Variants in SEMA3E observed in about 807,000 individuals in gnomAD.
SEMA3E encodes semaphorin 3E.
Under a neutral mutation model 93.6 loss-of-function variants are expected in SEMA3E, and 49 were observed. The ratio of observed to expected loss-of-function variants is 0.52; its 90% CI spans 0.42 to 0.66. The LOEUF is 0.66. Among genes scored for constraint, SEMA3E ranks in the 30% least tolerant of loss-of-function variants. The pLI is 0.00. For synonymous variants in SEMA3E, 363 were observed against 330.7 expected (o/e 1.10, Z -1.06); for missense variants, 906 against 964.8 (o/e 0.94, Z 0.81).
chr7:83,605,734 A>G (rs1419559803), intron 1 of SEMA3E, among the ~76,000 whole-genome samples: 4 of 152,054 alleles, frequency 2.6e-5, no homozygotes, highest in African/African-American at 7.2e-5. Context: ...GCCTGGCCAT[A>G]AATGTCTTCT....
chr7:83,648,276 A>C, intron 1 of SEMA3E, 152 bp downstream of exon 1: 1 of 635,652 alleles, frequency 1.6e-6, no homozygotes, highest in South Asian at 1.9e-5. Context: ...AGGTACTTAG[A>C]ATTTTAGGTC....
intron 1 of SEMA3E, among the ~76,000 whole-genome samples, chr7:83,508,558 G>A (rs1790750621): frequency 6.6e-6 from 1 of 152,030 alleles, no homozygotes; most frequent in African/African-American, 2.4e-5. Context: ...CACTGCGCCT[G>A]GCTTATAATT....
intron 1 of SEMA3E, among the ~76,000 whole-genome samples, chr7:83,517,607 T>G (rs1431089621): frequency 6.6e-6 from 1 of 152,082 alleles, no homozygotes; most frequent in African/African-American, 2.4e-5. Context: ...TCCTTTACCT[T>G]TATTATGTAG....
chr7:83,554,615 T>G (rs1329254315), intron 1 of SEMA3E, among the ~76,000 whole-genome samples: 1 of 151,958 alleles, frequency 6.6e-6, no homozygotes, highest in Non-Finnish European at 1.5e-5. Context: ...GAAGAAAAAG[T>G]CTCCTTTGAA....
intron 1 of SEMA3E, among the ~76,000 whole-genome samples, chr7:83,567,130 C>G (rs1297306812): frequency 6.6e-6 from 1 of 152,076 alleles, no homozygotes; most frequent in Admixed American, 6.5e-5. Flanking sequence ...TCAGATAAAG[C>G]AGACTTTACG....
chr7:83,466,152 C>T (rs1422519022), intron 4 of SEMA3E, among the ~76,000 whole-genome samples: 1 of 152,086 alleles, frequency 6.6e-6, no homozygotes, highest in Non-Finnish European at 1.5e-5. Flanking sequence ...CACCTATATA[C>T]ATATTCCAGT....
At chr7:83,608,458 A>AT (rs1793173749) in intron 1 of SEMA3E, among the ~76,000 whole-genome samples, 1 of 151,856 alleles carries the variant, frequency 6.6e-6, no homozygotes, top group Non-Finnish European at 1.5e-5. Flanking sequence ...TTTTTTCATG[A>AT]TTTTTTAAAG....
intron 1 of SEMA3E, among the ~76,000 whole-genome samples, chr7:83,642,981 A>G (rs1051918200): frequency 6.6e-6 from 1 of 152,098 alleles, no homozygotes; most frequent in Non-Finnish European, 1.5e-5. Context: ...AGTTTTATAT[A>G]CAAAGATAAA....
At chr7:83,507,749 G>A in intron 1 of SEMA3E, among the ~76,000 whole-genome samples, 1 of 151,266 alleles carries the variant, frequency 6.6e-6, no homozygotes, top group East Asian at 1.9e-4. Flanking sequence ...ACCAGCTTGG[G>A]CAACATAGTG....
chr7:83,547,717 T>C (rs780864115), intron 1 of SEMA3E, among the ~76,000 whole-genome samples: 1 of 152,080 alleles, frequency 6.6e-6, no homozygotes, highest in African/African-American at 2.4e-5. Context: ...GCTAGAGATG[T>C]TGGTTAGCAG....
chr7:83,471,717 G>A (rs1029005691), intron 2 of SEMA3E, among the ~76,000 whole-genome samples: 7 of 152,090 alleles, frequency 4.6e-5, no homozygotes, highest in African/African-American at 1.4e-4. Context: ...TACAGCACCA[G>A]TCTATTATTA....
At chr7:83,414,799 C>T (rs1788509183) in intron 5 of SEMA3E, among the ~76,000 whole-genome samples, 2 of 151,904 alleles carry the variant, frequency 1.3e-5, no homozygotes, top group African/African-American at 4.8e-5. Context: ...TTTCCCCAAA[C>T]TCTAGCTACA....
chr7:83,534,348 C>G (rs1791366125), intron 1 of SEMA3E, among the ~76,000 whole-genome samples: 1 of 151,848 alleles, frequency 6.6e-6, no homozygotes, highest in Non-Finnish European at 1.5e-5. Flanking sequence ...TGGGAAGCAC[C>G]ACTCTAGAGG....
intron 4 of SEMA3E, 145 bp downstream of exon 4, chr7:83,466,337 A>G (rs1230419976): frequency 7.4e-6 from 7 of 952,218 alleles, no homozygotes; most frequent in Non-Finnish European, 1.1e-5. Flanking sequence ...AGGCCCAGAA[A>G]GATAATTTCT....
chr7:83,555,005 GAA>G (rs72195795), intron 1 of SEMA3E, among the ~76,000 whole-genome samples: 1 of 145,048 alleles, frequency 6.9e-6, no homozygotes, highest in African/African-American at 2.5e-5. Context: ...AATAAAAATG[GAA>G]AAAAAAAAGA....
At chr7:83,375,372 T>G (rs1417454606) in intron 16 of SEMA3E, among the ~76,000 whole-genome samples, 3 of 151,306 alleles carry the variant, frequency 2.0e-5, no homozygotes, top group African/African-American at 4.9e-5. Flanking sequence ...GAGAGGGAGG[T>G]TTCCAACAAC....
intron 1 of SEMA3E, among the ~76,000 whole-genome samples, chr7:83,645,117 C>G (rs905101413): frequency 2.0e-5 from 3 of 151,902 alleles, no homozygotes; most frequent in Non-Finnish European, 4.4e-5. Flanking sequence ...TTTTTGCCTT[C>G]CCTGTAACCT....
intron 4 of SEMA3E, among the ~76,000 whole-genome samples, chr7:83,451,684 T>G (rs1027789093): frequency 6.6e-6 from 1 of 152,208 alleles, no homozygotes; most frequent in Non-Finnish European, 1.5e-5. Context: ...ACATGTCCCA[T>G]GTGGAAAGTG....
At chr7:83,530,899 T>C (rs1369055620) in intron 1 of SEMA3E, among the ~76,000 whole-genome samples, 1 of 152,066 alleles carries the variant, frequency 6.6e-6, no homozygotes, top group East Asian at 1.9e-4. Flanking sequence ...AAATTCAAGG[T>C]TCTAGATAGT....
Sources: gnomAD v4.1 joint callset for allele counts (sites outside exome capture counted in the v4.1 genomes callset) on GRCh38, gnomAD v4.1.1 for gene constraint, MANE v1.5 for transcripts, NCBI Gene and HGNC (gene_info 2026-07-23, HGNC 2026-07-21) for gene names.